MACROD2: variants seen among roughly 807,000 people sequenced by gnomAD.
MACROD2 encodes the protein mono-ADP ribosylhydrolase 2, also known as ADP-ribose glycohydrolase MACROD2.
In MACROD2, 36 loss-of-function variants were observed where a neutral mutation model predicts 70.4. The ratio of observed to expected loss-of-function variants is 0.51; its 90% confidence interval spans 0.39 to 0.68. The LOEUF (loss-of-function observed/expected upper bound fraction) is 0.68. Among genes scored for constraint, MACROD2 ranks in the 30% least tolerant of loss-of-function variants. MACROD2 has a pLI of 0.00. For synonymous variants in MACROD2, 172 were observed against 178.8 expected (o/e 0.96, Z 0.30); for missense variants, 496 against 538.4 (o/e 0.92, Z 0.78).
intron 2 of MACROD2, among the ~76,000 whole-genome samples, chr20:14,006,791 A>G (rs2148613470): frequency 6.6e-6 from 1 of 151,192 alleles, no homozygotes; most frequent in South Asian, 2.1e-4. Context: ...TATATTTTGA[A>G]TTTTGCTTAC....
intron 5 of MACROD2, among the ~76,000 whole-genome samples, chr20:14,706,901 G>GTAAA (rs1286236024): frequency 1.3e-5 from 2 of 152,166 alleles, no homozygotes; most frequent in African/African-American, 2.4e-5. Flanking sequence ...CTGAAATATG[G>GTAAA]TAAATAAATA....
chr20:15,708,423 T>C (rs890852525), intron 8 of MACROD2, among the ~76,000 whole-genome samples: 2 of 151,664 alleles, frequency 1.3e-5, no homozygotes, highest in Non-Finnish European at 2.9e-5. Context: ...TGTGAGGGAA[T>C]TAGCCATGCA....
chr20:14,085,708 T>C lies in MACROD2; in HGVS notation c.251T>C (p.Val84Ala), dbSNP rs1260185799. Reference protein sequence around the residue: ...LYRGDITLLEVDAIVNAANAS... With the variant: ...LYRGDITLLEADAIVNAANAS... The stretch of plus-strand genomic sequence containing the variant: ...AGAGGTGACATCACATTGCTAGAGG[T>C]AGATGCTATAGTCAATGCCGGTGAG... Residue 84 changes from valine to alanine, a missense_variant, in exon 3 of 18, where the codon GTA becomes GCA. Transcript: ENST00000684519. 1.9e-6 allele frequency: 3 copies of C among 1,546,404 alleles called. No individual in the cohort carries two copies. Among genetic ancestry groups the C allele is most frequent in the Admixed American group, 3.7e-5 (2 of 53,396 alleles).
chr20:15,216,433 TAAA>T (rs538789196), intron 5 of MACROD2, among the ~76,000 whole-genome samples: 5 of 151,996 alleles, frequency 3.3e-5, no homozygotes, highest in Non-Finnish European at 7.4e-5. Flanking sequence ...AAAATAAAAA[TAAA>T]AAACAGCTTA....
At chr20:14,896,371 G>A (rs1305998310) in intron 5 of MACROD2, among the ~76,000 whole-genome samples, 2 of 152,102 alleles carry the variant, frequency 1.3e-5, no homozygotes, top group Non-Finnish European at 2.9e-5. Context: ...AGGTATTTGT[G>A]TTGAATTCTT....
chr20:14,579,503 T>C (rs77772386), intron 4 of MACROD2, among the ~76,000 whole-genome samples: 3,582 of 152,314 alleles, frequency 0.024, 60 homozygotes, highest in Admixed American at 0.037. Context: ...ATAATCAGAT[T>C]GAAAATAAAT....
At chr20:15,117,148 G>A (rs2075997192) in intron 5 of MACROD2, among the ~76,000 whole-genome samples, 1 of 152,116 alleles carries the variant, frequency 6.6e-6, no homozygotes, top group Admixed American at 6.5e-5. Context: ...CAAGTTTGAG[G>A]TAAAATTTGT....
chr20:14,436,967 A>G (rs1360138477), intron 3 of MACROD2, among the ~76,000 whole-genome samples: 1 of 152,336 alleles, frequency 6.6e-6, no homozygotes, highest in South Asian at 2.1e-4. Flanking sequence ...ATCTATCCTG[A>G]CAATGAAGTG....
chr20:15,638,361 G>A (rs1477720331), intron 8 of MACROD2, among the ~76,000 whole-genome samples: 4 of 152,094 alleles, frequency 2.6e-5, no homozygotes, highest in Non-Finnish European at 4.4e-5. Context: ...TTTCTAGCAG[G>A]GTACACCACT....
rs540349310 is a variant in MACROD2, at chr20:14,183,436, G to T, written c.271+97708G>T. On this transcript the variant is annotated intron_variant, in intron 3 of 17. Coordinates refer to ENST00000684519, the MANE Select transcript of MACROD2 (RefSeq NM_001351661.2). ...TTCTTTATCTAGTCTATCACTGATGGCATTTAGGTTGATTCCATGTCTTTG... is the reference window on the plus strand; with the variant it reads ...TTCTTTATCTAGTCTATCACTGATGTCATTTAGGTTGATTCCATGTCTTTG... Among the ~76,000 whole-genome samples the T allele has an allele frequency of 3.9e-5, 6 of 152,128 alleles. No individual in the cohort carries two copies. The East Asian group carries it at 9.7e-4, about 25-fold the overall frequency.
chr20:15,174,478 C>T, intron 5 of MACROD2, among the ~76,000 whole-genome samples: 1 of 152,112 alleles, frequency 6.6e-6, no homozygotes. Context: ...GTGCATGTGT[C>T]TTTATAGCAG....
chr20:15,619,103 C>T (rs907804838), intron 8 of MACROD2, among the ~76,000 whole-genome samples: 6 of 152,148 alleles, frequency 3.9e-5, no homozygotes, highest in Non-Finnish European at 8.8e-5. Flanking sequence ...CAAACTATCT[C>T]AAGCACTGAT....
intron 5 of MACROD2, among the ~76,000 whole-genome samples, chr20:14,952,761 G>C (rs2074486119): frequency 6.6e-6 from 1 of 152,046 alleles, no homozygotes; most frequent in African/African-American, 2.4e-5. Context: ...TTGCTCACCT[G>C]AAAGTGGTTT....
At chr20:14,334,315 A>G (rs988934808) in intron 3 of MACROD2, among the ~76,000 whole-genome samples, 1 of 152,192 alleles carries the variant, frequency 6.6e-6, no homozygotes, top group Non-Finnish European at 1.5e-5. Context: ...TGAAATGTGT[A>G]TACCTATTTT....
chr20:15,022,045 A>G (rs1261899490), intron 5 of MACROD2, among the ~76,000 whole-genome samples: 1 of 152,174 alleles, frequency 6.6e-6, no homozygotes, highest in Non-Finnish European at 1.5e-5. Flanking sequence ...GTGCCTATAC[A>G]TCTACTACTG....
chr20:14,000,854 T>A lies in MACROD2; in HGVS notation c.47-1434T>A, dbSNP rs74597261. On this transcript the variant is annotated intron_variant, in intron 1 of 17. Coordinates refer to ENST00000684519, the MANE Select transcript of MACROD2 (RefSeq NM_001351661.2). ...TAAACTGCTCACTATGGCATACAAG[T>A]CCCTGTACAGTTTTGTTTTACTTTT... is the stretch of plus-strand genomic sequence containing the variant. Among the ~76,000 whole-genome samples, 3 of 152,348 alleles carry A rather than the reference T, an allele frequency of 2.0e-5. No homozygotes were observed. The East Asian group carries it at 5.8e-4, about 29-fold the overall frequency.
At chr20:14,046,340 T>C (rs2053474385) in intron 2 of MACROD2, among the ~76,000 whole-genome samples, 1 of 152,174 alleles carries the variant, frequency 6.6e-6, no homozygotes, top group African/African-American at 2.4e-5. Context: ...GCAGAATCAT[T>C]CAGAAACAAG....
intron 6 of MACROD2, among the ~76,000 whole-genome samples, chr20:15,378,745 T>C (rs1231466120): frequency 6.6e-6 from 1 of 152,176 alleles, no homozygotes; most frequent in Non-Finnish European, 1.5e-5. Flanking sequence ...TGTGAAACTT[T>C]AGTGCAAATC....
chr20:15,517,784 C>T (rs2047590280), intron 8 of MACROD2, among the ~76,000 whole-genome samples: 1 of 152,120 alleles, frequency 6.6e-6, no homozygotes, highest in Admixed American at 6.6e-5. Flanking sequence ...TTCCTGGCCC[C>T]TCAGCAGAAA....
Sources: allele counts gnomAD v4.1 joint callset (sites outside exome capture counted in the v4.1 genomes callset), GRCh38; gene constraint gnomAD v4.1.1; transcripts MANE v1.5; gene names NCBI Gene and HGNC (gene_info 2026-07-23, HGNC 2026-07-21).